The following ACP7 variants were observed in gnomAD, a reference collection of about 807,000 sequenced individuals.
The protein encoded by ACP7 is acid phosphatase type 7.
Under a neutral mutation model 60.6 loss-of-function variants are expected in ACP7, and 58 were observed. That is an observed-to-expected ratio of 0.96 (90% CI 0.77 to 1.19). The LOEUF (loss-of-function observed/expected upper bound fraction) is 1.19, where lower values mean the gene tolerates loss of function less well. Among genes scored for constraint, ACP7 ranks in the 50% most tolerant of loss-of-function variants. The pLI is 0.00. For missense variants in ACP7, 574 were observed against 596.2 expected, an observed-to-expected ratio of 0.96 and a Z score of 0.39; for synonymous variants, 237 against 232.6, an observed-to-expected ratio of 1.02 and a Z score of -0.17.
intron 2 of ACP7, among the ~76,000 whole-genome samples, chr19:39,097,531 C>A (rs563417389): frequency 2.8e-4 from 42 of 151,334 alleles, no homozygotes; most frequent in Non-Finnish European, 4.3e-4. Context: ...ACCACTGCAC[C>A]TCCAGCCTGG....
chr19:39,102,745 T>TTCTTTCTTTC (rs1555769451), intron 11 of ACP7, among the ~76,000 whole-genome samples: 2 of 81,742 alleles, frequency 2.4e-5, no homozygotes, highest in Admixed American at 1.3e-4. Flanking sequence ...CTTTCTTTCT[T>TTCTTTCTTTC]TCTTTCTTTC....
At chr19:39,102,047 G>T (rs2073352256) in intron 11 of ACP7, among the ~76,000 whole-genome samples, 1 of 151,762 alleles carries the variant, frequency 6.6e-6, no homozygotes, top group African/African-American at 2.4e-5. Flanking sequence ...TTGAGTGCAG[G>T]AGGTCAAGGC....
intron 2 of ACP7, 87 bp downstream of exon 2, chr19:39,085,477 GA>G: frequency 1.3e-6 from 2 of 1,487,304 alleles, no homozygotes; most frequent in Non-Finnish European, 1.8e-6. Flanking sequence ...CCCACACTGT[GA>G]GCCCCTAGGC....
At position 39,102,460 on chromosome 19, in the gene ACP7, T is replaced by C. The variant is rs2073358316; in HGVS notation, c.1113+923T>C. On this transcript the variant is annotated intron_variant, in intron 11 of 12. Coordinates refer to ENST00000331256, the MANE Select transcript of ACP7 (RefSeq NM_001004318.3). Reference sequence around the variant, plus strand: ...GGCATGATCTCAGCTCACTGCAACCTCCGCCTCCTGGTTCAAGAGATTTCC... The same window carrying C: ...GGCATGATCTCAGCTCACTGCAACCCCCGCCTCCTGGTTCAAGAGATTTCC... Among the ~76,000 whole-genome samples the C allele has an allele frequency of 2.6e-5, 4 of 151,374 alleles. No individual in the cohort carries two copies. In the South Asian group the frequency reaches 8.3e-4, roughly 32 times the overall value.
intron 2 of ACP7, among the ~76,000 whole-genome samples, chr19:39,091,214 G>T (rs1356245446): frequency 6.7e-6 from 1 of 150,276 alleles, no homozygotes; most frequent in Non-Finnish European, 1.5e-5. Flanking sequence ...CCAGGCTGGA[G>T]TACAGTGGCG....
In ACP7 at chr19:39,100,402, T is replaced by A. The variant is rs766266529; in HGVS notation, c.629+52T>A. On this transcript the variant is annotated intron_variant, in intron 5 of 12. Coordinates refer to ENST00000331256, the MANE Select transcript of ACP7 (RefSeq NM_001004318.3). ...GCGAGGGCTGGATCAATGGAAATGG[T>A]CTCGTTCTTCTTAGTGTCTCCCTTG... 6.8e-6 allele frequency: 11 copies of A among 1,607,878 alleles called. No homozygotes were observed. The South Asian group carries it at 1.2e-4, about 18-fold the overall frequency.
At chr19:39,089,120 G>C (rs2073176434) in intron 2 of ACP7, among the ~76,000 whole-genome samples, 1 of 151,954 alleles carries the variant, frequency 6.6e-6, no homozygotes, top group African/African-American at 2.4e-5. Context: ...GTAGGGACGG[G>C]GTTTCACCGT....
intron 2 of ACP7, among the ~76,000 whole-genome samples, chr19:39,096,338 C>T (rs776261610): frequency 4.1e-4 from 62 of 152,228 alleles, no homozygotes; most frequent in Non-Finnish European, 6.9e-4. Flanking sequence ...GTTCAAAGTT[C>T]CAATAATCTC....
chr19:39,085,811 G>A lies in ACP7; in HGVS notation c.121+421G>A, dbSNP rs144277055. ...TTCCCCACGAGGCTGACTGCCTCCC[G>A]ATCTTTGATTAGGATCCTTCCACTG... is the stretch of plus-strand genomic sequence containing the variant. On this transcript the variant is annotated intron_variant, in intron 2 of 12. Transcript: ENST00000331256. Among the ~76,000 whole-genome samples the A allele has an allele frequency of 6.6e-5, 10 of 152,254 alleles. No individual in the cohort carries two copies. In the East Asian group the frequency reaches 1.4e-3, roughly 21 times the overall value.
chr19:39,085,626 C>T (rs74717717), intron 2 of ACP7, among the ~76,000 whole-genome samples: 17 of 152,264 alleles, frequency 1.1e-4, no homozygotes, highest in African/African-American at 3.8e-4. Context: ...AAAAGGGGAC[C>T]GCTGCTGTCC....
intron 11 of ACP7, among the ~76,000 whole-genome samples, chr19:39,103,253 ATTGT>A (rs141632230): frequency 0.036 from 5,542 of 152,080 alleles, 123 homozygotes; most frequent in Non-Finnish European, 0.05. Context: ...CAGTTGGTTA[ATTGT>A]TTATTTATGT....
Position 39,101,070 on chromosome 19 carries a change from C to G in ACP7, c.915+14C>G, listed in dbSNP as rs543750664. 1 of 1,613,976 alleles carries G rather than the reference C, an allele frequency of 6.2e-7. No homozygotes were observed. The highest frequency in any genetic ancestry group is 1.7e-5 in the Admixed American group (1 of 60,026). ...CATGAAAGCAAGGTGAGGTCCCTCC[C>G]TGGGAGACAGTGGGGACATGCTGAA... On this transcript the variant is annotated intron_variant, in intron 8 of 12. Coordinates refer to ENST00000331256, the MANE Select transcript of ACP7 (RefSeq NM_001004318.3).
Position 39,098,968 on chromosome 19 carries a change from T to C in ACP7, c.331T>C (p.Cys111Arg). ...TTTCCTCTCCCATTCAGTTTATCGC[T>C]GTGGCAGTGCGCAGGGCTGGAGCCG... is the stretch of plus-strand genomic sequence containing the variant. ...LLPGVQYVYR[C>R]GSAQGWSRRF... Residue 111 changes from cysteine (C) to arginine (R), a missense_variant, in exon 4 of 13, where the codon TGT (cysteine) becomes CGT (arginine). Coordinates refer to ENST00000331256, the MANE Select transcript of ACP7 (RefSeq NM_001004318.3). 2 of 1,609,154 alleles carry C rather than the reference T, an allele frequency of 1.2e-6. No individual in the cohort carries two copies. The highest frequency in any genetic ancestry group is 1.7e-6 in the Non-Finnish European group (2 of 1,177,772).
chr19:39,097,499 G>C (rs928911006), intron 2 of ACP7, among the ~76,000 whole-genome samples: 1 of 151,652 alleles, frequency 6.6e-6, no homozygotes, highest in Non-Finnish European at 1.5e-5. Flanking sequence ...AGGAGGCCAA[G>C]GCTGCAGTGA....
chr19:39,085,215 C>T lies in ACP7; in HGVS notation c.-55C>T. The T allele has an allele frequency of 5.1e-6, 8 of 1,568,902 alleles. No individual in the cohort carries two copies. The highest frequency in any genetic ancestry group is 6.9e-6 in the Non-Finnish European group (8 of 1,156,656). ...CCCTTCCTGCTGTACCTGTGGGGAG[C>T]TGATCTCCTCAGTCCCCCTGCTTTT... On this transcript the variant is annotated 5_prime_UTR_variant, in exon 2 of 13. Transcript: ENST00000331256.
At position 39,098,992 on chromosome 19, in the gene ACP7, C is replaced by G. The variant is rs201058003; in HGVS notation, c.355C>G (p.Arg119Gly). Residue 119 changes from arginine to glycine, a missense_variant, in exon 4 of 13, where the codon CGT becomes GGT. Transcript: ENST00000331256. ...CTGTGGCAGTGCGCAGGGCTGGAGCCGTCGGTTCCGCTTCAGGGCCCTCAA... is the reference window on the plus strand; with the variant it reads ...CTGTGGCAGTGCGCAGGGCTGGAGCGGTCGGTTCCGCTTCAGGGCCCTCAA... ...YRCGSAQGWS[R>G]RFRFRALKNG... The G allele has an allele frequency of 1.2e-6, 2 of 1,612,150 alleles. No homozygotes were observed. Among genetic ancestry groups the G allele is most frequent in the Non-Finnish European group, 8.5e-7 (1 of 1,179,102 alleles).
Position 39,100,746 on chromosome 19 carries a change from C to A in ACP7, c.700C>A (p.Leu234Met). 6.2e-7 allele frequency: 1 copy of A among 1,613,952 alleles called. No individual in the cohort carries two copies. The highest frequency in any genetic ancestry group is 8.5e-7 in the Non-Finnish European group (1 of 1,179,902). The change falls in exon 7 of 13, where the codon CTG (leucine) becomes ATG (methionine). Residue 234 changes from leucine to methionine, a missense_variant. Transcript: ENST00000331256. ...GCCCTTTGACTCCTCCAGCTGGGAT[C>A]TGGGTCCCGCCCACATCATCTCCTT... is the stretch of plus-strand genomic sequence containing the variant. ...DNEGLWYSWD[L>M]GPAHIISFST...
At chr19:39,093,334 A>C (rs1259134577) in intron 2 of ACP7, among the ~76,000 whole-genome samples, 2 of 149,226 alleles carry the variant, frequency 1.3e-5, no homozygotes, top group African/African-American at 2.5e-5. Context: ...AGCTCACTGC[A>C]ACCTCCGCCT....
intron 2 of ACP7, among the ~76,000 whole-genome samples, chr19:39,094,950 C>G (rs1030396762): frequency 6.6e-6 from 1 of 152,108 alleles, no homozygotes; most frequent in Non-Finnish European, 1.5e-5. Flanking sequence ...TGATAAAACC[C>G]TCAGATCTCA....
Sources: gnomAD v4.1 joint callset for allele counts (sites outside exome capture counted in the v4.1 genomes callset) on GRCh38, gnomAD v4.1.1 for gene constraint, MANE v1.5 for transcripts, NCBI Gene and HGNC (gene_info 2026-07-23, HGNC 2026-07-21) for gene names.